Variants in PLEKHA7 observed in about 807,000 individuals in gnomAD.
PLEKHA7 encodes the protein pleckstrin homology domain-containing family A member 7.
Under a neutral mutation model 170.0 loss-of-function variants are expected in PLEKHA7, and 104 were observed. The ratio of observed to expected loss-of-function variants is 0.61; its 90% confidence interval spans 0.52 to 0.72. The LOEUF is 0.72. Among genes scored for constraint, PLEKHA7 ranks in the 30% least tolerant of loss-of-function variants. PLEKHA7 has a pLI of 0.00. For synonymous variants in PLEKHA7, 648 were observed against 660.8 expected, an observed-to-expected ratio of 0.98 and a Z score of 0.30; for missense variants, 1,615 against 1,671.7, an observed-to-expected ratio of 0.97 and a Z score of 0.59.
At chr11:16,840,359 A>G (rs1479724585) in intron 9 of PLEKHA7, among the ~76,000 whole-genome samples, 3 of 152,116 alleles carry the variant, frequency 2.0e-5, no homozygotes, top group Non-Finnish European at 2.9e-5. Flanking sequence ...TCAGGAGTTC[A>G]AGACCAGCCT....
Position 16,843,140 on chromosome 11 carries a change from G to C in PLEKHA7, c.697-1418C>G, listed in dbSNP as rs539496644. ...AGTAGATGCTCAATAAACATTTGTT[G>C]AAAGAACGAAGAGTTAGAGCCCAGG... On this transcript the variant is annotated intron_variant, in intron 8 of 26. Transcript: ENST00000531066. Among the ~76,000 whole-genome samples the C allele has an allele frequency of 2.6e-5, 4 of 152,200 alleles. No homozygotes were observed. In the East Asian group the frequency reaches 7.7e-4, roughly 29 times the overall value.
chr11:16,862,948 A>G (rs1026065087), intron 4 of PLEKHA7, among the ~76,000 whole-genome samples: 1 of 82,832 alleles, frequency 1.2e-5, no homozygotes, highest in African/African-American at 3.0e-5. Context: ...GGTGCTGGCT[A>G]TGTCAGCTGC....
Position 16,786,268 on chromosome 11 carries a change from G to A in PLEKHA7, c.3477C>T (p.Asp1159=). ...CCAAGTCATAGTCTTGAGGCTCCAG[G>A]TCCAACTCAGTGACAGGCATGGCCT... The part of the protein sequence containing the change: ...KVQAMPVTEL[D]LEPQDYDLDI... The change falls in exon 24 of 27, where the codon GAC becomes GAT. Residue 1159 remains aspartate, a synonymous_variant. Coordinates refer to ENST00000531066, the MANE Select transcript of PLEKHA7 (RefSeq NM_001329630.2). 6.5e-7 allele frequency: 1 copy of A among 1,536,126 alleles called. No homozygotes were observed. Among genetic ancestry groups the A allele is most frequent in the Non-Finnish European group, 8.7e-7 (1 of 1,146,916 alleles).
At chr11:17,010,572 C>A (rs773275811) in intron 3 of PLEKHA7, among the ~76,000 whole-genome samples, 9 of 152,144 alleles carry the variant, frequency 5.9e-5, no homozygotes, top group Non-Finnish European at 1.3e-4. Context: ...CACCACTGCA[C>A]TCCAGACTAG....
At chr11:16,959,094 T>G (rs1278896738) in intron 3 of PLEKHA7, among the ~76,000 whole-genome samples, 2 of 152,188 alleles carry the variant, frequency 1.3e-5, no homozygotes, top group Non-Finnish European at 2.9e-5. Context: ...TGTTTTAACT[T>G]TTATTTTAGG....
At chr11:16,887,495 C>T (rs1158026250) in intron 3 of PLEKHA7, among the ~76,000 whole-genome samples, 1 of 152,174 alleles carries the variant, frequency 6.6e-6, no homozygotes, top group African/African-American at 2.4e-5. Context: ...ACCTCCCTGC[C>T]TGATTCTCCT....
intron 3 of PLEKHA7, among the ~76,000 whole-genome samples, chr11:16,927,442 C>G (rs1162517239): frequency 6.6e-6 from 1 of 152,124 alleles, no homozygotes; most frequent in Admixed American, 6.5e-5. Context: ...GCCTCCAAAG[C>G]CCACCCTTCT....
At chr11:16,785,838 G>A (rs774789566) in intron 24 of PLEKHA7, among the ~76,000 whole-genome samples, 4 of 152,182 alleles carry the variant, frequency 2.6e-5, no homozygotes, top group Non-Finnish European at 4.4e-5. Flanking sequence ...TCACCAGCCA[G>A]TTGAAAAGCC....
chr11:16,907,128 C>G (rs1491000518), intron 3 of PLEKHA7, among the ~76,000 whole-genome samples: 4 of 102,150 alleles, frequency 3.9e-5, no homozygotes, highest in Admixed American at 2.1e-4. Context: ...GTCAGCCCCC[C>G]GCCCGGCCAG....
chr11:16,866,529 TTG>T (rs1198048633), intron 4 of PLEKHA7, among the ~76,000 whole-genome samples: 1 of 149,322 alleles, frequency 6.7e-6, no homozygotes, highest in East Asian at 2.0e-4. Flanking sequence ...GAGGCGGAGG[TTG>T]CAGTGAGCTG....
chr11:16,792,396 A>C (rs529893363), intron 19 of PLEKHA7, among the ~76,000 whole-genome samples: 1 of 152,338 alleles, frequency 6.6e-6, no homozygotes, highest in African/African-American at 2.4e-5. Context: ...AAAATAAAAG[A>C]ACTATAGCCA....
chr11:17,001,033 C>A (rs1444605887), intron 3 of PLEKHA7, among the ~76,000 whole-genome samples: 1 of 152,170 alleles, frequency 6.6e-6, no homozygotes, highest in East Asian at 1.9e-4. Flanking sequence ...TGGCCCTCAC[C>A]CCTAATCCCC....
intron 3 of PLEKHA7, among the ~76,000 whole-genome samples, chr11:16,961,802 C>T (rs560959121): frequency 2.6e-5 from 4 of 152,304 alleles, no homozygotes; most frequent in African/African-American, 7.2e-5. Flanking sequence ...GCCATTAATT[C>T]GTGATTTAAC....
intron 10 of PLEKHA7, among the ~76,000 whole-genome samples, chr11:16,818,550 C>T (rs558972618): frequency 4.6e-5 from 7 of 152,346 alleles, no homozygotes; most frequent in African/African-American, 1.7e-4. Flanking sequence ...TTGACCTCGT[C>T]ATCACACTGC....
chr11:16,960,180 C>T lies in PLEKHA7; in HGVS notation c.221+53809G>A, dbSNP rs574232337. ...CAGGGGCCCCCTTCACTCCCGGACG[C>T]TGACCCTGTTCCCTTTTGTCCAGAA... On this transcript the variant is annotated intron_variant, in intron 3 of 26. Transcript: ENST00000531066. Among the ~76,000 whole-genome samples the T allele has an allele frequency of 5.3e-5, 8 of 152,316 alleles. No individual in the cohort carries two copies. In the South Asian group the frequency reaches 8.3e-4, roughly 16 times the overall value.
intron 8 of PLEKHA7, among the ~76,000 whole-genome samples, chr11:16,845,898 T>C (rs1386678707): frequency 6.6e-6 from 1 of 151,996 alleles, no homozygotes; most frequent in Non-Finnish European, 1.5e-5. Flanking sequence ...GCCTTGGCAA[T>C]GGACTGGATA....
chr11:16,931,059 T>C (rs1027075380), intron 3 of PLEKHA7, among the ~76,000 whole-genome samples: 1 of 152,208 alleles, frequency 6.6e-6, no homozygotes, highest in Non-Finnish European at 1.5e-5. Flanking sequence ...AAAAGCTATC[T>C]AAATACAAGT....
At chr11:16,948,664 A>AT (rs1325441584) in intron 3 of PLEKHA7, among the ~76,000 whole-genome samples, 1 of 151,942 alleles carries the variant, frequency 6.6e-6, no homozygotes, top group Non-Finnish European at 1.5e-5. Flanking sequence ...ACACACACAC[A>AT]CACACACACA....
intron 3 of PLEKHA7, among the ~76,000 whole-genome samples, chr11:16,976,707 C>T (rs1863087397): frequency 6.6e-6 from 1 of 152,226 alleles, no homozygotes; most frequent in Admixed American, 6.5e-5. Context: ...CCTCTATTGG[C>T]ACAACCAAGC....
Sources: gnomAD v4.1 joint callset for allele counts (sites outside exome capture counted in the v4.1 genomes callset) on GRCh38, gnomAD v4.1.1 for gene constraint, MANE v1.5 for transcripts, NCBI Gene and HGNC (gene_info 2026-07-23, HGNC 2026-07-21) for gene names.